The following WWOX variants were observed in gnomAD, a reference collection of about 807,000 sequenced individuals.
WWOX encodes WW domain containing oxidoreductase, also known as WW domain-containing oxidoreductase.
Under a neutral mutation model 46.2 loss-of-function variants are expected in WWOX, and 69 were observed. The observed-to-expected ratio is 1.49, with a 90% CI of 1.23 to 1.82. WWOX has a LOEUF of 1.82. Among genes scored for constraint, WWOX ranks in the 40% most tolerant of loss-of-function variants. The pLI is 0.00. For synonymous variants in WWOX, 359 were observed against 202.6 expected (o/e 1.77, Z -6.56); for missense variants, 919 against 542.6 (o/e 1.69, Z -6.89).
chr16:78,410,177 T>C (rs764876689), intron 6 of WWOX, among the ~76,000 whole-genome samples: 120 of 152,316 alleles, frequency 7.9e-4, no homozygotes, highest in Non-Finnish European at 1.4e-3. Flanking sequence ...GCCATGACTG[T>C]AAGCCTCCTG....
intron 8 of WWOX, among the ~76,000 whole-genome samples, chr16:78,620,123 A>G (rs1206442885): frequency 2.0e-5 from 3 of 152,192 alleles, no homozygotes; most frequent in African/African-American, 4.8e-5. Context: ...GTTGATGAGG[A>G]TGGTGTACCT....
intron 5 of WWOX, among the ~76,000 whole-genome samples, chr16:78,269,750 T>A (rs951465379): frequency 6.6e-6 from 1 of 152,152 alleles, no homozygotes; most frequent in African/African-American, 2.4e-5. Flanking sequence ...TAGAATTAAT[T>A]ATTTATTATC....
intron 8 of WWOX, among the ~76,000 whole-genome samples, chr16:78,531,715 G>T (rs1026882651): frequency 1.4e-4 from 21 of 151,952 alleles, no homozygotes; most frequent in Non-Finnish European, 3.1e-4. Context: ...TTTGGGATTC[G>T]GTTTAGGTGA....
At position 79,158,720 on chromosome 16, in the gene WWOX, G is replaced by A. The variant is rs192719561; in HGVS notation, c.1057-52888G>A. Among the ~76,000 whole-genome samples, 8 of 152,254 alleles carry A rather than the reference G, an allele frequency of 5.3e-5. No individual in the cohort carries two copies. The East Asian group carries it at 5.8e-4, about 11-fold the overall frequency. On this transcript the variant is annotated intron_variant, in intron 8 of 8. Coordinates refer to ENST00000566780, the MANE Select transcript of WWOX (RefSeq NM_016373.4). Reference sequence around the variant, plus strand: ...TAAGTCAGATCTCAGATTAATTGTCGCCTTTACAGACAGATTTTTCTTAAC... The same window carrying A: ...TAAGTCAGATCTCAGATTAATTGTCACCTTTACAGACAGATTTTTCTTAAC...
At chr16:78,917,947 A>G (rs140820253) in intron 8 of WWOX, among the ~76,000 whole-genome samples, 39 of 152,134 alleles carry the variant, frequency 2.6e-4, no homozygotes, top group Non-Finnish European at 7.4e-5. Flanking sequence ...CACACACATA[A>G]TCTTAGCACT....
intron 8 of WWOX, among the ~76,000 whole-genome samples, chr16:78,762,833 C>T (rs548760191): frequency 6.6e-6 from 1 of 152,282 alleles, no homozygotes; most frequent in Non-Finnish European, 1.5e-5. Context: ...CATAAAAGCA[C>T]CTACTTGTTA....
chr16:78,701,451 G>C (rs1325971300), intron 8 of WWOX, among the ~76,000 whole-genome samples: 4 of 152,030 alleles, frequency 2.6e-5, no homozygotes, highest in Non-Finnish European at 5.9e-5. Flanking sequence ...TGGCCACATA[G>C]GTGGCAGTGC....
intron 8 of WWOX, among the ~76,000 whole-genome samples, chr16:79,131,704 GA>G (rs199796164): frequency 0.022 from 3,368 of 152,172 alleles, 120 homozygotes; most frequent in African/African-American, 0.075. Flanking sequence ...TCAAAAACAG[GA>G]CATGGGTGAT....
intron 5 of WWOX, among the ~76,000 whole-genome samples, chr16:78,186,603 A>C (rs1401651744): frequency 2.6e-5 from 4 of 152,168 alleles, no homozygotes; most frequent in African/African-American, 9.7e-5. Flanking sequence ...GTCTCTACTC[A>C]AAATACAAAA....
chr16:79,036,481 C>G (rs1244275774), intron 8 of WWOX, among the ~76,000 whole-genome samples: 1 of 152,194 alleles, frequency 6.6e-6, no homozygotes, highest in Non-Finnish European at 1.5e-5. Flanking sequence ...TTTGACAAAC[C>G]CTCCTATGGT....
At chr16:78,811,181 T>C (rs1482944792) in intron 8 of WWOX, among the ~76,000 whole-genome samples, 1 of 152,218 alleles carries the variant, frequency 6.6e-6, no homozygotes, top group Non-Finnish European at 1.5e-5. Flanking sequence ...AATCAGTGTT[T>C]TGTGACATTC....
chr16:78,779,105 C>T, intron 8 of WWOX, among the ~76,000 whole-genome samples: 1 of 152,088 alleles, frequency 6.6e-6, no homozygotes, highest in Admixed American at 6.5e-5. Context: ...CTCTCTTCTA[C>T]ATATCTCAGT....
In WWOX at chr16:78,642,443, G is replaced by A. The variant is rs560460236; in HGVS notation, c.1056+209691G>A. On this transcript the variant is annotated intron_variant, in intron 8 of 8. Transcript: ENST00000566780. ...TCTTTGGGCTCCCTGCTTTTATTTC[G>A]GCCCTGATGGAATCTGTCGACTTTA... is the stretch of plus-strand genomic sequence containing the variant. Among the ~76,000 whole-genome samples, 201 of 152,000 alleles carry A rather than the reference G, an allele frequency of 1.3e-3. 2 individuals carry two copies. Among genetic ancestry groups the A allele is most frequent in the African/African-American group, 4.7e-3 (193 of 41,440 alleles).
chr16:78,848,991 G>T (rs868103343), intron 8 of WWOX, among the ~76,000 whole-genome samples: 4 of 152,114 alleles, frequency 2.6e-5, no homozygotes, highest in African/African-American at 9.7e-5. Context: ...GCGATGACTC[G>T]CAAAGACATA....
intron 8 of WWOX, among the ~76,000 whole-genome samples, chr16:79,152,977 T>C (rs569660006): frequency 6.6e-6 from 1 of 152,058 alleles, no homozygotes; most frequent in East Asian, 1.9e-4. Flanking sequence ...CAGGGAAGCT[T>C]GCTGGGGGAA....
chr16:79,163,663 T>G (rs934295241), intron 8 of WWOX, among the ~76,000 whole-genome samples: 1 of 152,096 alleles, frequency 6.6e-6, no homozygotes, highest in South Asian at 2.1e-4. Context: ...CCTGGCATAG[T>G]GGTGCATGCC....
At chr16:79,154,781 T>A (rs749226690) in intron 8 of WWOX, among the ~76,000 whole-genome samples, 2 of 152,172 alleles carry the variant, frequency 1.3e-5, no homozygotes, top group Non-Finnish European at 2.9e-5. Flanking sequence ...AGATAACCAT[T>A]TTTTAGGTCC....
At chr16:78,349,720 G>C (rs553161195) in intron 5 of WWOX, among the ~76,000 whole-genome samples, 1 of 118,386 alleles carries the variant, frequency 8.4e-6, no homozygotes, top group South Asian at 2.5e-4. Flanking sequence ...TTCAGTGATT[G>C]AAATTATGCT....
At chr16:78,940,665 T>C (rs1338021686) in intron 8 of WWOX, among the ~76,000 whole-genome samples, 1 of 130,894 alleles carries the variant, frequency 7.6e-6, no homozygotes, top group Non-Finnish European at 1.6e-5. Context: ...CTTTCTTTTC[T>C]TAGGTTAACT....
Sources: gnomAD v4.1 joint callset for allele counts (sites outside exome capture counted in the v4.1 genomes callset) on GRCh38, gnomAD v4.1.1 for gene constraint, MANE v1.5 for transcripts, NCBI Gene and HGNC (gene_info 2026-07-23, HGNC 2026-07-21) for gene names.